Variants in CALN1 observed in about 807,000 individuals in gnomAD.
CALN1 encodes calcium-binding protein 8.
In CALN1, 17 loss-of-function variants were observed where a neutral mutation model predicts 30.6. That is an observed-to-expected ratio of 0.56 (90% CI 0.38 to 0.83). CALN1 has a LOEUF of 0.83. CALN1 is among the 40% of genes least tolerant of loss of function. The pLI, the probability that CALN1 is intolerant of heterozygous loss-of-function variation, is 0.00. For synonymous variants in CALN1, 156 were observed against 131.4 expected, an observed-to-expected ratio of 1.19 and a Z score of -1.28; for missense variants, 291 against 354.9, an observed-to-expected ratio of 0.82 and a Z score of 1.45.
At chr7:72,046,196 A>T (rs1802459757) in intron 4 of CALN1, among the ~76,000 whole-genome samples, 1 of 151,958 alleles carries the variant, frequency 6.6e-6, no homozygotes, top group Non-Finnish European at 1.5e-5. Context: ...GCCGACAGTC[A>T]CAGGTACTCA....
At chr7:72,140,198 G>A (rs541624680) in intron 3 of CALN1, among the ~76,000 whole-genome samples, 8 of 151,872 alleles carry the variant, frequency 5.3e-5, no homozygotes, top group Non-Finnish European at 1.0e-4. Context: ...TTGAGCCCAG[G>A]AGTTCAAGGC....
intron 5 of CALN1, among the ~76,000 whole-genome samples, chr7:71,920,178 A>C (rs1243025774): frequency 1.3e-5 from 2 of 152,134 alleles, no homozygotes; most frequent in African/African-American, 2.4e-5. Context: ...AGAGTTTTGG[A>C]AACACCGGTC....
intron 3 of CALN1, among the ~76,000 whole-genome samples, chr7:72,249,916 GAC>G (rs1795434689): frequency 1.4e-5 from 2 of 141,034 alleles, no homozygotes; most frequent in Admixed American, 7.6e-5. Flanking sequence ...CAGCCTGGGT[GAC>G]AGAGTGAGAC....
chr7:71,919,534 G>C (rs748452881), intron 5 of CALN1, among the ~76,000 whole-genome samples: 17 of 152,314 alleles, frequency 1.1e-4, no homozygotes, highest in Non-Finnish European at 2.4e-4. Context: ...GAGTTGGCGG[G>C]AAGTAAAGAG....
intron 2 of CALN1, among the ~76,000 whole-genome samples, chr7:72,378,593 C>A (rs993196264): frequency 6.6e-6 from 1 of 152,066 alleles, no homozygotes; most frequent in African/African-American, 2.4e-5. Flanking sequence ...TCCTTTTATT[C>A]TCTTCTTTTA....
At chr7:72,324,845 A>C (rs867374898) in intron 2 of CALN1, among the ~76,000 whole-genome samples, 1 of 152,058 alleles carries the variant, frequency 6.6e-6, no homozygotes, top group African/African-American at 2.4e-5. Context: ...CAGCCTCCCA[A>C]AGAGCTGGGA....
At chr7:72,454,714 C>A in the CALN1 span, among the ~76,000 whole-genome samples, 1 of 152,208 alleles carries the variant, frequency 6.6e-6, no homozygotes, top group African/African-American at 2.4e-5. Context: ...ACTCTTCCAG[C>A]ACACCACATC....
chr7:72,336,238 G>A (rs999142056), intron 2 of CALN1, among the ~76,000 whole-genome samples: 2 of 152,164 alleles, frequency 1.3e-5, no homozygotes, highest in Non-Finnish European at 2.9e-5. Flanking sequence ...CCGGCTTCGC[G>A]AAGAGACCTG....
At chr7:72,462,532 T>A in the CALN1 span, among the ~76,000 whole-genome samples, 1 of 152,158 alleles carries the variant, frequency 6.6e-6, no homozygotes, top group Non-Finnish European at 1.5e-5. Flanking sequence ...CTGCTGGGAA[T>A]GACTGATGAG....
intron 3 of CALN1, among the ~76,000 whole-genome samples, chr7:72,225,365 G>A (rs1190339597): frequency 2.0e-5 from 3 of 151,888 alleles, no homozygotes; most frequent in Non-Finnish European, 2.9e-5. Flanking sequence ...CAACTGACTC[G>A]ATACTTAAGT....
intron 5 of CALN1, among the ~76,000 whole-genome samples, chr7:71,934,450 C>T (rs570841636): frequency 2.0e-5 from 3 of 152,256 alleles, no homozygotes; most frequent in African/African-American, 7.2e-5. Flanking sequence ...AGCATGGTGC[C>T]TGTATCTACT....
intron 2 of CALN1, among the ~76,000 whole-genome samples, chr7:72,286,530 A>G (rs559922509): frequency 4.6e-5 from 7 of 152,242 alleles, no homozygotes; most frequent in East Asian, 1.9e-4. Flanking sequence ...CCAGAAATAT[A>G]TATGTCTTCC....
At chr7:72,302,893 C>CAAAAAAAAAAAAAA (rs71069055) in intron 2 of CALN1, among the ~76,000 whole-genome samples, 25 of 48,740 alleles carry the variant, frequency 5.1e-4, no homozygotes, top group South Asian at 1.6e-3. Context: ...GTGAGGGTCT[C>CAAAAAAAAAAAAAA]AAAAAAAAAA....
chr7:72,169,224 A>G (rs1788761412), intron 3 of CALN1, among the ~76,000 whole-genome samples: 1 of 152,076 alleles, frequency 6.6e-6, no homozygotes, highest in Non-Finnish European at 1.5e-5. Flanking sequence ...AGAACTTAAG[A>G]CAAAAAAAAA....
intron 5 of CALN1, among the ~76,000 whole-genome samples, chr7:71,889,875 G>C (rs1214170893): frequency 3.3e-5 from 5 of 151,640 alleles, no homozygotes; most frequent in Middle Eastern, 3.4e-3. Context: ...TGAGGCAGGA[G>C]AATCATTTGA....
chr7:72,439,930 G>T (rs908183861), intron 1 of CALN1, among the ~76,000 whole-genome samples: 1 of 152,100 alleles, frequency 6.6e-6, no homozygotes, highest in Non-Finnish European at 1.5e-5. Context: ...AAAAAGAGGG[G>T]TTGGTGTTGC....
At chr7:71,890,831 A>G (rs1245798840) in intron 5 of CALN1, among the ~76,000 whole-genome samples, 3 of 146,774 alleles carry the variant, frequency 2.0e-5, no homozygotes, top group Non-Finnish European at 4.5e-5. Context: ...CTGCAGCCGG[A>G]AACTCCCCAG....
At chr7:72,323,695 A>G (rs368293526) in intron 2 of CALN1, among the ~76,000 whole-genome samples, 3 of 151,668 alleles carry the variant, frequency 2.0e-5, no homozygotes, top group East Asian at 3.9e-4. Context: ...AGAGAACAAA[A>G]AGAGAAAGAA....
chr7:72,263,754 G>T (rs1275594220), intron 3 of CALN1, among the ~76,000 whole-genome samples: 1 of 152,114 alleles, frequency 6.6e-6, no homozygotes, highest in Non-Finnish European at 1.5e-5. Flanking sequence ...CTTATCAGAG[G>T]AACTAGTGTT....
Sources: allele counts gnomAD v4.1 joint callset (sites outside exome capture counted in the v4.1 genomes callset), GRCh38; gene constraint gnomAD v4.1.1; transcripts MANE v1.5; gene names NCBI Gene and HGNC (gene_info 2026-07-23, HGNC 2026-07-21).